The following SHB variants were observed in gnomAD, a reference collection of about 807,000 sequenced individuals.
SHB encodes SH2 domain-containing adapter protein B.
A neutral mutation model predicts 52.3 loss-of-function variants in SHB; 20 were observed. That is an observed-to-expected ratio of 0.38 (90% CI 0.27 to 0.56). The LOEUF (loss-of-function observed/expected upper bound fraction) is 0.56, where lower values mean the gene tolerates loss of function less well. Among genes scored for constraint, SHB ranks in the 20% least tolerant of loss-of-function variants. SHB has a pLI of 0.71. For missense variants in SHB, 825 were observed against 723.3 expected, an observed-to-expected ratio of 1.14 and a Z score of -1.61; for synonymous variants, 397 against 316.5, an observed-to-expected ratio of 1.25 and a Z score of -2.70.
intron 4 of SHB, among the ~76,000 whole-genome samples, chr9:37,952,101 C>T (rs1330177433): frequency 6.6e-6 from 1 of 152,226 alleles, no homozygotes; most frequent in Admixed American, 6.5e-5. Flanking sequence ...TTACTCACCA[C>T]TCACTATATC....
At chr9:38,019,964 A>G (rs938845365) in intron 1 of SHB, among the ~76,000 whole-genome samples, 1 of 152,254 alleles carries the variant, frequency 6.6e-6, no homozygotes, top group Admixed American at 6.5e-5. Context: ...CTGAATGGAA[A>G]GCAAGCAAGC....
intron 1 of SHB, among the ~76,000 whole-genome samples, chr9:38,048,690 G>A (rs1821692208): frequency 6.6e-6 from 1 of 152,166 alleles, no homozygotes. Flanking sequence ...ATTGTTGAGT[G>A]TTTTCCATCT....
chr9:37,971,333 C>T lies in SHB; in HGVS notation c.1054+3289G>A, dbSNP rs190320318. On this transcript the variant is annotated intron_variant, in intron 3 of 5. Transcript: ENST00000377707. ...TTTTACACATGGGGCTGTGGCAACA[C>T]ATCAGCAATCTAACCGAGCTGCTTC... 3.1e-3 allele frequency among the ~76,000 whole-genome samples: 477 copies of T among 152,326 alleles called. 2 individuals are homozygous for T. The highest frequency in any genetic ancestry group is 0.01 in the Middle Eastern group (3 of 294).
chr9:38,062,847 T>C (rs898907723), intron 1 of SHB, among the ~76,000 whole-genome samples: 1 of 152,230 alleles, frequency 6.6e-6, no homozygotes, highest in Non-Finnish European at 1.5e-5. Context: ...GCTGTTCCCA[T>C]TAATTTCCAT....
intron 4 of SHB, among the ~76,000 whole-genome samples, chr9:37,949,846 AGGGCAGGCGGCAGAATCTGAG>A (rs1832544146): frequency 6.6e-6 from 1 of 152,186 alleles, no homozygotes; most frequent in African/African-American, 2.4e-5. Flanking sequence ...ATGCCAGAGG[AGGGCAGGCGGCAGAATCTGAG>A]GGGAGGAGTG....
At chr9:37,954,391 A>G (rs888522936) in intron 4 of SHB, among the ~76,000 whole-genome samples, 1 of 152,190 alleles carries the variant, frequency 6.6e-6, no homozygotes, top group African/African-American at 2.4e-5. Flanking sequence ...AAGGCTCACG[A>G]ACCATGTGTG....
At chr9:37,932,389 G>C (rs1832322549) in intron 5 of SHB, among the ~76,000 whole-genome samples, 1 of 151,762 alleles carries the variant, frequency 6.6e-6, no homozygotes, top group African/African-American at 2.4e-5. Flanking sequence ...GTGGGTCCTT[G>C]GGGCAGGGTG....
chr9:37,984,944 A>G (rs1391961819), intron 2 of SHB, among the ~76,000 whole-genome samples: 1 of 152,186 alleles, frequency 6.6e-6, no homozygotes, highest in East Asian at 1.9e-4. Flanking sequence ...GGCAGCTCAG[A>G]GACGGAGCTG....
At chr9:38,004,775 A>G (rs1821059302) in intron 2 of SHB, among the ~76,000 whole-genome samples, 1 of 152,178 alleles carries the variant, frequency 6.6e-6, no homozygotes, top group Non-Finnish European at 1.5e-5. Flanking sequence ...CAGAGACTCG[A>G]GGCTTAGCAG....
intron 1 of SHB, among the ~76,000 whole-genome samples, chr9:38,037,940 ACT>A (rs1821509852): frequency 6.6e-6 from 1 of 152,146 alleles, no homozygotes; most frequent in African/African-American, 2.4e-5. Flanking sequence ...ATTCTGTCAC[ACT>A]CTAACAAGAT....
intron 3 of SHB, among the ~76,000 whole-genome samples, chr9:37,973,979 G>A (rs1820622831): frequency 6.6e-6 from 1 of 152,242 alleles, no homozygotes; most frequent in Non-Finnish European, 1.5e-5. Flanking sequence ...ATCAGGCCGG[G>A]TGTGGTGGCT....
chr9:37,934,908 T>C (rs1011612091), intron 5 of SHB, among the ~76,000 whole-genome samples: 2 of 152,192 alleles, frequency 1.3e-5, no homozygotes, highest in African/African-American at 2.4e-5. Flanking sequence ...CTGTTTTTTG[T>C]TCCCCCTGCA....
Position 37,965,760 on chromosome 9 carries a change from G to A in SHB, c.1054+8862C>T, listed in dbSNP as rs551932414. On this transcript the variant is annotated intron_variant, in intron 3 of 5. Transcript: ENST00000377707. ...CCAGCTAATTTTGTATTTTGGGGCC[G>A]GGGTATCTGGATTTAAAGTCCTGTG... Among the ~76,000 whole-genome samples the A allele has an allele frequency of 4.2e-4, 63 of 151,644 alleles. No homozygotes were observed. The South Asian group carries it at 0.01, about 25-fold the overall frequency.
chr9:37,992,477 C>G (rs1009704924), intron 2 of SHB, among the ~76,000 whole-genome samples: 15 of 152,162 alleles, frequency 9.9e-5, no homozygotes, highest in Admixed American at 9.2e-4. Context: ...ACGTGGTCTT[C>G]TTTGGGGCTA....
chr9:37,993,334 G>C (rs1356927750), intron 2 of SHB, among the ~76,000 whole-genome samples: 1 of 152,146 alleles, frequency 6.6e-6, no homozygotes, highest in Non-Finnish European at 1.5e-5. Flanking sequence ...CTAAAAATAA[G>C]GCTGCTCCAA....
chr9:38,023,217 C>A (rs532817235), intron 1 of SHB, among the ~76,000 whole-genome samples: 4 of 152,342 alleles, frequency 2.6e-5, no homozygotes, highest in African/African-American at 9.6e-5. Flanking sequence ...CAGGGACAGT[C>A]CAGGCAAGTG....
chr9:38,008,572 G>A (rs529563077), intron 2 of SHB, among the ~76,000 whole-genome samples: 1 of 152,350 alleles, frequency 6.6e-6, no homozygotes, highest in South Asian at 2.1e-4. Context: ...ATAAGGCCCA[G>A]GAGCTCCAGG....
chr9:38,008,926 G>A (rs988467904), intron 2 of SHB, among the ~76,000 whole-genome samples: 1 of 152,212 alleles, frequency 6.6e-6, no homozygotes, highest in Non-Finnish European at 1.5e-5. Context: ...AGAGTCCACG[G>A]CACTACAGAG....
At chr9:37,951,179 T>C (rs2091415) in intron 4 of SHB, among the ~76,000 whole-genome samples, 20,257 of 152,168 alleles carry the variant, frequency 0.13, 1,424 homozygotes, top group African/African-American at 0.19. Flanking sequence ...AGTGGGAATG[T>C]GGCCAAGTGG....
Sources: gnomAD v4.1 joint callset for allele counts (sites outside exome capture counted in the v4.1 genomes callset) on GRCh38, gnomAD v4.1.1 for gene constraint, MANE v1.5 for transcripts, NCBI Gene and HGNC (gene_info 2026-07-23, HGNC 2026-07-21) for gene names.